Variants in MAP9 observed in about 807,000 individuals in gnomAD.
The protein encoded by MAP9 is microtubule-associated protein 9.
In MAP9, 80 loss-of-function variants were observed where a neutral mutation model predicts 75.2. That is an observed-to-expected ratio of 1.06 (90% confidence interval 0.89 to 1.28). The LOEUF (loss-of-function observed/expected upper bound fraction) is 1.28. Among genes scored for constraint, MAP9 ranks in the 50% most tolerant of loss-of-function variants. The pLI, the probability that MAP9 is intolerant of heterozygous loss-of-function variation, is 0.00. For missense variants in MAP9, 753 were observed against 719.9 expected (o/e 1.05, Z -0.53); for synonymous variants, 235 against 237.3 (o/e 0.99, Z 0.09).
chr4:155,355,855 G>T lies in MAP9; in HGVS notation c.1151C>A (p.Ser384Tyr), dbSNP rs111666305. ...RLMTSEFLKK[S>Y]SSKRRTPSTT... ...CGATGGAGTTCTCCTTTTAGAACTA[G>T]ATTTCTTCAAAAACTCAGAGGTCAT... Residue 384 changes from serine (S) to tyrosine (Y), a missense_variant, in exon 9 of 14, where the codon TCT becomes TAT. By Grantham distance (144) the Ser-to-Tyr change is moderately radical (BLOSUM62 -2). Coordinates refer to ENST00000311277, the MANE Select transcript of MAP9 (RefSeq NM_001039580.2). 6.2e-7 allele frequency: 1 copy of T among 1,613,232 alleles called. No homozygotes were observed. Among genetic ancestry groups the T allele is most frequent in the Non-Finnish European group, 8.5e-7 (1 of 1,179,582 alleles).
At chr4:155,360,833 A>G (rs1732043679) in intron 6 of MAP9, among the ~76,000 whole-genome samples, 2 of 152,046 alleles carry the variant, frequency 1.3e-5, no homozygotes, top group Admixed American at 6.6e-5. Flanking sequence ...TACAGTTACT[A>G]GTAGTACAAT....
intron 13 of MAP9, 134 bp from the exon 14 acceptor site, chr4:155,348,039 A>G: frequency 3.2e-6 from 2 of 615,956 alleles, no homozygotes. Context: ...CAGATCATAA[A>G]GAAATAACAG....
At chr4:155,363,610 A>C (rs1732189994) in intron 5 of MAP9, among the ~76,000 whole-genome samples, 1 of 152,126 alleles carries the variant, frequency 6.6e-6, no homozygotes, top group Non-Finnish European at 1.5e-5. Context: ...CTGAAGTTGA[A>C]CACCACAATA....
chr4:155,355,270 A>C, intron 9 of MAP9, 110 bp from the exon 10 acceptor site: 1 of 415,610 alleles, frequency 2.4e-6, no homozygotes, highest in Non-Finnish European at 4.2e-6. Flanking sequence ...TCTAAAGTAT[A>C]CTATTCTACT....
At chr4:155,348,417 T>G (rs529499587) in intron 13 of MAP9, among the ~76,000 whole-genome samples, 34 of 152,214 alleles carry the variant, frequency 2.2e-4, no homozygotes, top group Admixed American at 1.0e-3. Flanking sequence ...TATCACTTAA[T>G]TTTTTAAACT....
rs1732765986 is a variant in MAP9, at chr4:155,374,823, G to C, written c.160+114C>G. ...AAAATCTAAAATTAGTGAATGCTTA[G>C]GTATTATTTTAACATACGTGATTGA... On this transcript the variant is annotated intron_variant, in intron 3 of 13. Transcript: ENST00000311277. The C allele has an allele frequency of 1.2e-5, 6 of 515,386 alleles. No homozygotes were observed. In the Admixed American group the frequency reaches 1.3e-4, roughly 11 times the overall value. 31.9% of individuals were successfully genotyped at this position (515,386 alleles called of 1,614,324 possible). A position where few individuals can be genotyped will look rare whatever the true frequency, so the allele number is the denominator to read the frequency against.
chr4:155,359,757 ATTTC>A (rs558433644), intron 7 of MAP9, among the ~76,000 whole-genome samples: 16 of 152,122 alleles, frequency 1.1e-4, no homozygotes, highest in Non-Finnish European at 1.5e-4. Flanking sequence ...GTTGATAAAC[ATTTC>A]TTTAAGATTT....
chr4:155,348,387 T>C (rs1731362863), intron 13 of MAP9, among the ~76,000 whole-genome samples: 1 of 151,944 alleles, frequency 6.6e-6, no homozygotes, highest in Admixed American at 6.6e-5. Flanking sequence ...TAGTAAACAT[T>C]GTCAATTTGC....
At chr4:155,367,849 C>T (rs17032904) in intron 5 of MAP9, among the ~76,000 whole-genome samples, 1 of 152,226 alleles carries the variant, frequency 6.6e-6, no homozygotes, top group African/African-American at 2.4e-5. Flanking sequence ...AGCACCAACA[C>T]TGCAGACAAG....
Position 155,346,877 on chromosome 4 carries a change from A to C in MAP9, c.*906T>G, listed in dbSNP as rs1317330876. On this transcript the variant is annotated 3_prime_UTR_variant, in exon 14 of 14. Coordinates refer to ENST00000311277, the MANE Select transcript of MAP9 (RefSeq NM_001039580.2). The stretch of plus-strand genomic sequence containing the variant: ...ATAAATAAATAAAGGCTTTGTGGAC[A>C]TTGTCAACATATTTACCTTCCCATA... 6.6e-6 allele frequency: 1 copy of C among 152,622 alleles called. No homozygotes were observed. Among genetic ancestry groups the C allele is most frequent in the Non-Finnish European group, 1.5e-5 (1 of 68,034 alleles). The allele number at this position is 152,622 out of a possible 1,614,324, so 9.5% of individuals were successfully genotyped here. A position where few individuals can be genotyped will look rare whatever the true frequency, so the allele number is the denominator to read the frequency against.
intron 6 of MAP9, chr4:155,361,118 T>G (rs2111236034): frequency 6.6e-6 from 1 of 152,176 alleles, no homozygotes; most frequent in East Asian, 1.9e-4. Flanking sequence ...ACGTCCACCT[T>G]GCAGCTAAAC....
intron 5 of MAP9, 51 bp from the exon 6 acceptor site, chr4:155,362,192 T>C: frequency 9.3e-7 from 1 of 1,079,152 alleles, no homozygotes; most frequent in South Asian, 1.5e-5. Context: ...ATAATTAACA[T>C]TTATGGGAAC....
intron 5 of MAP9, chr4:155,363,254 T>G (rs1052505): frequency 0.27 from 41,544 of 151,962 alleles, 6,071 homozygotes; most frequent in Non-Finnish European, 0.32. Flanking sequence ...AGAAACAGGA[T>G]TGGGAATTTG....
intron 1 of MAP9, chr4:155,376,366 T>C (rs1732845385): frequency 6.6e-6 from 1 of 152,302 alleles, no homozygotes; most frequent in Admixed American, 6.5e-5. Context: ...AAAAAGATCG[T>C]AATGCTAACC....
chr4:155,355,146 CT>C lies in MAP9; in HGVS notation c.1304del (p.Lys435ArgfsTer12). 1 of 1,268,124 alleles carries C rather than the reference CT, an allele frequency of 7.9e-7. No homozygotes were observed. Among genetic ancestry groups the C allele is most frequent in the Non-Finnish European group, 1.1e-6 (1 of 919,344 alleles). The allele number at this position is 1,268,124 out of a possible 1,614,324, so 78.6% of individuals were successfully genotyped here. A position where few individuals can be genotyped will look rare whatever the true frequency, so the allele number is the denominator to read the frequency against. ...GCATTTCATGTAAATACACATTTTT[CT>C]TTTCTAACCACTCCTATAAGAACAA... is the stretch of plus-strand genomic sequence containing the variant. ...RAAVYQEWLE[K>X]KNVYLHEMHR... is the part of the protein sequence containing the mutation. On this transcript the variant is annotated frameshift_variant, in exon 10 of 14. Coordinates refer to ENST00000311277, the MANE Select transcript of MAP9 (RefSeq NM_001039580.2). LOFTEE classifies it high-confidence loss of function.
chr4:155,352,393 T>G, intron 13 of MAP9: 1 of 446,044 alleles, frequency 2.2e-6, no homozygotes, highest in South Asian at 2.5e-5. Flanking sequence ...AGCCTGGGTG[T>G]TTGAGGGAAT....
intron 5 of MAP9, chr4:155,368,317 T>C (rs1732419891): frequency 3.5e-6 from 2 of 564,244 alleles, no homozygotes; most frequent in East Asian, 2.8e-5. Context: ...GGATAAACTC[T>C]ACAATCACTG....
intron 5 of MAP9, among the ~76,000 whole-genome samples, chr4:155,363,470 G>C (rs1732184662): frequency 6.6e-6 from 1 of 152,076 alleles, no homozygotes. Flanking sequence ...TCACGTTTTA[G>C]AGTTAGCAGA....
At chr4:155,369,050 C>T (rs1480642290) in intron 4 of MAP9, among the ~76,000 whole-genome samples, 4 of 152,132 alleles carry the variant, frequency 2.6e-5, no homozygotes, top group South Asian at 2.1e-4. Context: ...ATGTTGGGAG[C>T]GGTGACTCAC....
Sources: allele counts gnomAD v4.1 joint callset (sites outside exome capture counted in the v4.1 genomes callset), GRCh38; gene constraint gnomAD v4.1.1; transcripts MANE v1.5; gene names NCBI Gene and HGNC (gene_info 2026-07-23, HGNC 2026-07-21).